Variants in APOL5 observed in about 807,000 individuals in gnomAD.
APOL5 encodes apolipoprotein L, 5.
A neutral mutation model predicts 35.5 loss-of-function variants in APOL5; 29 were observed. The observed-to-expected ratio is 0.82, with a 90% CI of 0.61 to 1.11. The LOEUF is 1.11. Ranked by LOEUF, APOL5 falls within the 50% of genes most tolerant of loss-of-function variation. The pLI, the probability that APOL5 is intolerant of heterozygous loss-of-function variation, is 0.00. For missense variants in APOL5, 514 were observed against 530.4 expected, an observed-to-expected ratio of 0.97 and a Z score of 0.30; for synonymous variants, 188 against 200.2, an observed-to-expected ratio of 0.94 and a Z score of 0.51.
upstream of APOL5, among the ~76,000 whole-genome samples, chr22:35,717,235 A>AAATATATATATATATATATAT: frequency 3.3e-4 from 19 of 57,656 alleles, no homozygotes; most frequent in African/African-American, 1.4e-3. Context: ...AAAAAAAAAA[A>AAATATATATATATATATATAT]ATATATATAT....
the APOL5 span, among the ~76,000 whole-genome samples, chr22:35,709,721 T>C: frequency 3.9e-5 from 6 of 152,226 alleles, no homozygotes; most frequent in African/African-American, 1.4e-4. Flanking sequence ...ATTCCATATG[T>C]TTTTGCTAAA....
chr22:35,711,918 A>G, the APOL5 span, among the ~76,000 whole-genome samples: 6 of 152,006 alleles, frequency 3.9e-5, no homozygotes, highest in Non-Finnish European at 8.8e-5. Context: ...CAGGTGATCT[A>G]CCTGCCTCAA....
At chr22:35,717,801 G>A, upstream of APOL5, 2 of 1,064,938 alleles carry the variant, frequency 1.9e-6, no homozygotes, top group Non-Finnish European at 1.3e-6. Context: ...GGAGAGACAG[G>A]TTTCAGGCAT....
intron 1 of APOL5, among the ~76,000 whole-genome samples, chr22:35,720,018 T>G (rs1436323009): frequency 1.1e-4 from 17 of 152,228 alleles, no homozygotes; most frequent in Admixed American, 1.1e-3. Context: ...CAGCCGTGGA[T>G]GACCTGTCAG....
chr22:35,709,416 A>T, the APOL5 span, among the ~76,000 whole-genome samples: 1 of 152,096 alleles, frequency 6.6e-6, no homozygotes, highest in Admixed American at 6.6e-5. Flanking sequence ...TTCTATTTTC[A>T]TGGCTATTGT....
chr22:35,711,674 T>C, the APOL5 span, among the ~76,000 whole-genome samples: 5 of 127,116 alleles, frequency 3.9e-5, no homozygotes, highest in Admixed American at 7.8e-5. Flanking sequence ...CTTCCTCCCT[T>C]CCTTTCTTCC....
At chr22:35,720,411 G>A (rs1253620151) in intron 1 of APOL5, among the ~76,000 whole-genome samples, 157 bp from the exon 2 acceptor site, 1 of 152,010 alleles carries the variant, frequency 6.6e-6, no homozygotes, top group Non-Finnish European at 1.5e-5. Context: ...CAAAAATCAT[G>A]TGACATTTCT....
upstream of APOL5, among the ~76,000 whole-genome samples, chr22:35,717,235 A>AAAAAAATATATATAT: frequency 3.1e-4 from 18 of 57,660 alleles, 1 homozygote; most frequent in African/African-American, 1.0e-3. Context: ...AAAAAAAAAA[A>AAAAAAATATATATAT]ATATATATAT....
rs1390808459 is a variant in APOL5, at chr22:35,726,432, A to G, written c.364A>G (p.Thr122Ala). The G allele has an allele frequency of 6.2e-7, 1 of 1,613,986 alleles. No individual in the cohort carries two copies. Among genetic ancestry groups the G allele is most frequent in the Admixed American group, 1.7e-5 (1 of 60,000 alleles). Residue 122 changes from threonine (T) to alanine (A), a missense_variant, in exon 3 of 5, where the codon ACC becomes GCC. Thr to Ala is a moderately conservative substitution (Grantham distance 58). Coordinates refer to ENST00000249044, the MANE Select transcript of APOL5 (RefSeq NM_030642.1). ...ELEQNIKELN[T>A]LADQVDTTHE... ...AGAACAGAACATCAAAGAACTTAAC[A>G]CCCTTGCGGACCAAGTTGACACCAC...
the APOL5 span, among the ~76,000 whole-genome samples, chr22:35,710,029 G>A: frequency 6.6e-6 from 1 of 151,620 alleles, no homozygotes; most frequent in African/African-American, 2.4e-5. Flanking sequence ...CAGCTTGCTG[G>A]CAGCATGTTT....
At chr22:35,719,840 T>G (rs1012253179) in intron 1 of APOL5, among the ~76,000 whole-genome samples, 1 of 152,100 alleles carries the variant, frequency 6.6e-6, no homozygotes, top group African/African-American at 2.4e-5. Context: ...GCCAGAAAAA[T>G]TGGATCACAC....
intron 2 of APOL5, among the ~76,000 whole-genome samples, chr22:35,723,125 A>G (rs1368652910): frequency 6.6e-6 from 1 of 152,150 alleles, no homozygotes; most frequent in Non-Finnish European, 1.5e-5. Flanking sequence ...TTGGCTAAGG[A>G]GCAGAGGATT....
In APOL5 at chr22:35,726,621, A is replaced by G. The variant is rs960689578; in HGVS notation, c.553A>G (p.Ile185Val). The change falls in exon 3 of 5, where the codon ATA becomes GTA. Residue 185 changes from isoleucine (I) to valine (V), a missense_variant. Ile to Val is a conservative substitution (Grantham distance 29). This residue lies in a region of APOL5 where 254 missense variants were observed against 254.7 expected (regional missense o/e 1.00). Transcript: ENST00000249044. ...GGGGGCAGCAGCTGCCATCACCAAC[A>G]TAGTAACAAATGTCTTAGAAAATAG... The part of the protein sequence containing the change: ...GLGAAAAITN[I>V]VTNVLENRSN... 8 of 1,614,216 alleles carry G rather than the reference A, an allele frequency of 5.0e-6. No individual in the cohort carries two copies. In the Admixed American group the frequency reaches 6.7e-5, roughly 13 times the overall value.
upstream of APOL5, among the ~76,000 whole-genome samples, chr22:35,716,750 T>A (rs1371025171): frequency 1.3e-5 from 2 of 151,360 alleles, no homozygotes; most frequent in African/African-American, 2.4e-5. Flanking sequence ...ATATAGTACT[T>A]AAAAAAAATA....
At chr22:35,715,799 A>G (rs1049876501), upstream of APOL5, among the ~76,000 whole-genome samples, 1 of 152,220 alleles carries the variant, frequency 6.6e-6, no homozygotes, top group African/African-American at 2.4e-5. Context: ...TCTGCCTTCA[A>G]GGTGAAGCTC....
At chr22:35,722,342 G>C (rs1047013267) in intron 2 of APOL5, among the ~76,000 whole-genome samples, 3 of 152,110 alleles carry the variant, frequency 2.0e-5, no homozygotes, top group Admixed American at 1.3e-4. Flanking sequence ...TCCCTCTGTC[G>C]CCCAGGCTGG....
the APOL5 span, among the ~76,000 whole-genome samples, chr22:35,711,648 C>CCT: frequency 1.2e-3 from 23 of 19,986 alleles, no homozygotes; most frequent in East Asian, 6.6e-3. Flanking sequence ...CCTTCCTTCC[C>CCT]TCCCTCCCTC....
At chr22:35,718,667 A>T (rs1482045526) in intron 1 of APOL5, among the ~76,000 whole-genome samples, 2 of 151,932 alleles carry the variant, frequency 1.3e-5, no homozygotes, top group Non-Finnish European at 2.9e-5. Context: ...ATGACAATAC[A>T]TCTTCTCTTA....
the APOL5 span, among the ~76,000 whole-genome samples, chr22:35,709,755 C>T: frequency 6.6e-6 from 1 of 152,126 alleles, no homozygotes; most frequent in Non-Finnish European, 1.5e-5. Context: ...TTTATTTTCA[C>T]TTCATCCCTG....
Sources: allele counts gnomAD v4.1 joint callset (sites outside exome capture counted in the v4.1 genomes callset), GRCh38; gene constraint gnomAD v4.1.1; regional missense constraint gnomAD v4.1.1; transcripts MANE v1.5; gene names NCBI Gene and HGNC (gene_info 2026-07-23, HGNC 2026-07-21).